EPN2: variants seen among roughly 807,000 people sequenced by gnomAD.
EPN2 encodes the protein epsin 2.
EPN2 carries 34 observed loss-of-function variants against 61.7 expected under a neutral mutation model. That is an observed-to-expected ratio of 0.55 (90% confidence interval 0.42 to 0.73). The LOEUF is 0.73. EPN2 is among the 30% of genes least tolerant of loss of function. The probability of loss-of-function intolerance (pLI) is 0.00; values close to 1 mark genes in which losing one functional copy is unlikely to be tolerated. For synonymous variants in EPN2, 349 were observed against 353.6 expected, an observed-to-expected ratio of 0.99 and a Z score of 0.15; for missense variants, 714 against 839.2, an observed-to-expected ratio of 0.85 and a Z score of 1.84.
At chr17:19,317,397 C>T (rs550895430) in intron 7 of EPN2, among the ~76,000 whole-genome samples, 14 of 152,328 alleles carry the variant, frequency 9.2e-5, no homozygotes, top group South Asian at 4.1e-4. Context: ...TCTGTACTCC[C>T]GCCCACTGCC....
At chr17:19,293,813 C>T (rs1224446260) in intron 4 of EPN2, among the ~76,000 whole-genome samples, 8 of 151,978 alleles carry the variant, frequency 5.3e-5, no homozygotes, top group Admixed American at 1.3e-4. Flanking sequence ...CAAGGCTGGG[C>T]GCGGTGGCTC....
chr17:19,257,709 G>C (rs1043587029), intron 1 of EPN2, among the ~76,000 whole-genome samples: 9 of 152,078 alleles, frequency 5.9e-5, no homozygotes, highest in African/African-American at 2.2e-4. Context: ...AGTAGAGACA[G>C]GTTTTTGCAT....
chr17:19,272,558 C>T (rs1042544838), intron 1 of EPN2, among the ~76,000 whole-genome samples: 2 of 152,092 alleles, frequency 1.3e-5, no homozygotes, highest in African/African-American at 4.8e-5. Context: ...ATTTTAGAAG[C>T]GAGGACCCTG....
chr17:19,298,112 G>T (rs769833055), intron 4 of EPN2, among the ~76,000 whole-genome samples: 1 of 152,128 alleles, frequency 6.6e-6, no homozygotes, highest in Non-Finnish European at 1.5e-5. Flanking sequence ...CTGACCTCGT[G>T]ATCTGCCCTC....
chr17:19,253,814 ACT>A (rs1370559191), intron 1 of EPN2, among the ~76,000 whole-genome samples: 1 of 151,996 alleles, frequency 6.6e-6, no homozygotes, highest in African/African-American at 2.4e-5. Flanking sequence ...TCTGCTCTTG[ACT>A]CTATTTATTG....
chr17:19,316,655 A>G (rs1469265913), intron 7 of EPN2, among the ~76,000 whole-genome samples: 1 of 152,222 alleles, frequency 6.6e-6, no homozygotes, highest in Non-Finnish European at 1.5e-5. Flanking sequence ...TATATTGTAT[A>G]TATAATTACG....
At chr17:19,282,302 A>G (rs1040774582) in intron 2 of EPN2, 1 of 152,198 alleles carries the variant, frequency 6.6e-6, no homozygotes, top group Non-Finnish European at 1.5e-5. Flanking sequence ...ATCTTTATAA[A>G]TTCTTGAACA....
intron 7 of EPN2, 144 bp from the exon 8 acceptor site, chr17:19,328,567 C>T (rs746279930): frequency 2.4e-4 from 164 of 683,126 alleles, no homozygotes; most frequent in Middle Eastern, 7.6e-4. Context: ...TCTTTGCTGG[C>T]GTGGGACAGT....
At chr17:19,254,274 GC>G (rs1264593752) in intron 1 of EPN2, among the ~76,000 whole-genome samples, 3 of 152,124 alleles carry the variant, frequency 2.0e-5, no homozygotes, top group Non-Finnish European at 2.9e-5. Flanking sequence ...ATGTAACAGA[GC>G]TCACGCCTGT....
At chr17:19,244,100 T>C (rs1040517347) in intron 1 of EPN2, among the ~76,000 whole-genome samples, 1 of 152,180 alleles carries the variant, frequency 6.6e-6, no homozygotes, top group Non-Finnish European at 1.5e-5. Flanking sequence ...TCTTGGATGC[T>C]GTTGAAAAAG....
intron 7 of EPN2, among the ~76,000 whole-genome samples, chr17:19,321,254 T>C (rs1906624407): frequency 6.6e-6 from 1 of 152,104 alleles, no homozygotes; most frequent in African/African-American, 2.4e-5. Flanking sequence ...CCACCAACAC[T>C]CAGACCCCCT....
At chr17:19,246,594 G>C (rs566973388) in intron 1 of EPN2, among the ~76,000 whole-genome samples, 1 of 152,136 alleles carries the variant, frequency 6.6e-6, no homozygotes, top group East Asian at 1.9e-4. Flanking sequence ...GCTTGGACTT[G>C]AGTTTGTTTT....
chr17:19,255,159 C>T (rs1300684213), intron 1 of EPN2, among the ~76,000 whole-genome samples: 2 of 152,044 alleles, frequency 1.3e-5, no homozygotes, highest in Admixed American at 6.5e-5. Context: ...GTGGTCACAG[C>T]GTTGGGGTGC....
intron 7 of EPN2, among the ~76,000 whole-genome samples, chr17:19,327,671 GATAA>G (rs1335426779): frequency 4.6e-5 from 7 of 152,104 alleles, no homozygotes; most frequent in South Asian, 2.1e-4. Context: ...GACCCTATCT[GATAA>G]ATAAATGAAT....
intron 1 of EPN2, among the ~76,000 whole-genome samples, chr17:19,238,669 C>T (rs2044846241): frequency 6.6e-6 from 1 of 152,214 alleles, no homozygotes; most frequent in African/African-American, 2.4e-5. Flanking sequence ...GAAGCTAGGT[C>T]TCCAGGCTCT....
intron 4 of EPN2, among the ~76,000 whole-genome samples, chr17:19,288,588 G>A (rs1446676635): frequency 1.3e-5 from 2 of 152,088 alleles, no homozygotes; most frequent in African/African-American, 4.8e-5. Flanking sequence ...GTGTGCTCAG[G>A]GTGTTTGAGA....
At chr17:19,321,128 G>C (rs921986980) in intron 7 of EPN2, among the ~76,000 whole-genome samples, 2 of 152,176 alleles carry the variant, frequency 1.3e-5, no homozygotes, top group African/African-American at 4.8e-5. Flanking sequence ...TGGCATAGAG[G>C]CTGCAGAGTG....
chr17:19,313,117 C>G lies in EPN2; in HGVS notation c.985C>G (p.Pro329Ala), dbSNP rs1290509263. The G allele has an allele frequency of 1.9e-6, 3 of 1,613,750 alleles. No individual in the cohort carries two copies. The highest frequency in any genetic ancestry group is 2.5e-6 in the Non-Finnish European group (3 of 1,179,824). ...TTTGTCTTAAAAGCATGGCTCTCTC[C>G]CACAGCAGACTACGCTGTTGGATTT... is the stretch of plus-strand genomic sequence containing the variant. ...IPKKKEHGSL[P>A]QQTTLLDLMD... Residue 329 changes from proline to alanine, a missense_variant, in exon 7 of 11, where the codon CCA (proline) becomes GCA (alanine). By Grantham distance (27) the Pro-to-Ala change is conservative. Transcript: ENST00000314728.
At chr17:19,333,877 C>A in intron 10 of EPN2, 79 bp from the exon 11 acceptor site, 1 of 1,274,422 alleles carries the variant, frequency 7.8e-7, no homozygotes, top group Non-Finnish European at 1.1e-6. Context: ...CCAGAACACC[C>A]GCATGCAGTC....
Sources: gnomAD v4.1 joint callset for allele counts (sites outside exome capture counted in the v4.1 genomes callset) on GRCh38, gnomAD v4.1.1 for gene constraint, MANE v1.5 for transcripts, NCBI Gene and HGNC (gene_info 2026-07-23, HGNC 2026-07-21) for gene names.